The following DYRK1A variants were observed in gnomAD, a reference collection of about 807,000 sequenced individuals.
DYRK1A encodes the protein dual specificity tyrosine phosphorylation regulated kinase 1A.
DYRK1A carries 9 observed loss-of-function variants against 79.7 expected under a neutral mutation model. The observed-to-expected ratio is 0.11, with a 90% CI of 0.07 to 0.20. The LOEUF (loss-of-function observed/expected upper bound fraction) is 0.20, where lower values mean the gene tolerates loss of function less well. Among genes scored for constraint, DYRK1A ranks in the 10% least tolerant of loss-of-function variants. DYRK1A has a pLI of 1.00. For synonymous variants in DYRK1A, 349 were observed against 329.7 expected, an observed-to-expected ratio of 1.06 and a Z score of -0.63; for missense variants, 622 against 956.0, an observed-to-expected ratio of 0.65 and a Z score of 4.61.
chr21:37,512,365 G>A lies in DYRK1A; in HGVS notation c.2099G>A (p.Arg700His), dbSNP rs374771208. ...DVNLTVYSNP[R>H]QETGIAGHPT... is the part of the protein sequence containing the mutation. ...AATTTGACCGTCTACTCCAATCCCC[G>A]CCAAGAGACTGGCATAGCTGGACAT... is the stretch of plus-strand genomic sequence containing the variant. The change falls in exon 12 of 12, where the codon CGC (arginine) becomes CAC (histidine). Residue 700 changes from arginine to histidine, a missense_variant. Transcript: ENST00000647188. 54 of 1,614,052 alleles carry A rather than the reference G, an allele frequency of 3.3e-5. No individual in the cohort carries two copies. Among genetic ancestry groups the A allele is most frequent in the Non-Finnish European group, 4.3e-5 (51 of 1,180,046 alleles).
intron 2 of DYRK1A, among the ~76,000 whole-genome samples, chr21:37,445,157 A>C (rs1362654708): frequency 6.6e-6 from 1 of 152,148 alleles, no homozygotes; most frequent in Non-Finnish European, 1.5e-5. Flanking sequence ...TAACTTTTTA[A>C]TATGTTAGTT....
intron 7 of DYRK1A, among the ~76,000 whole-genome samples, chr21:37,492,338 T>A (rs990604510): frequency 6.6e-6 from 1 of 152,194 alleles, no homozygotes; most frequent in Admixed American, 6.5e-5. Flanking sequence ...CTTTTCCACT[T>A]TTAATAAGTG....
At chr21:37,478,042 C>G in intron 3 of DYRK1A, 166 bp from the exon 4 acceptor site, 1 of 856,944 alleles carries the variant, frequency 1.2e-6, no homozygotes, top group Admixed American at 2.7e-5. Flanking sequence ...TTATTGGAAT[C>G]CACATGAAAG....
chr21:37,392,450 T>A (rs2049888143), intron 1 of DYRK1A, among the ~76,000 whole-genome samples: 1 of 152,252 alleles, frequency 6.6e-6, no homozygotes, highest in Non-Finnish European at 1.5e-5. Flanking sequence ...CAAAATACCT[T>A]GGACTGAATA....
At chr21:37,500,216 T>C (rs74371633) in intron 9 of DYRK1A, among the ~76,000 whole-genome samples, 275 of 152,350 alleles carry the variant, frequency 1.8e-3, no homozygotes, top group African/African-American at 6.4e-3. Flanking sequence ...TTGAATATTG[T>C]CATGTTTTTT....
intron 1 of DYRK1A, among the ~76,000 whole-genome samples, chr21:37,387,154 C>A (rs1282874939): frequency 6.6e-6 from 1 of 152,210 alleles, no homozygotes; most frequent in Non-Finnish European, 1.5e-5. Context: ...AATTTGGAGG[C>A]CGGGTAGGCA....
Position 37,394,747 on chromosome 21 carries a change from C to G in DYRK1A, c.-76-25552C>G, listed in dbSNP as rs145313456. 6.6e-5 allele frequency among the ~76,000 whole-genome samples: 10 copies of G among 152,234 alleles called. No individual in the cohort carries two copies. The East Asian group carries it at 1.2e-3, about 18-fold the overall frequency. ...AAACCATTTCCCACCTCCTCCTGTC[C>G]GTGGAAAAATTGTCTTCCACAAAAG... On this transcript the variant is annotated intron_variant, in intron 1 of 11. Coordinates refer to ENST00000647188, the MANE Select transcript of DYRK1A (RefSeq NM_001347721.2).
rs7277020 is a variant in DYRK1A at position 37,522,598 on chromosome 21, G to T, written c.*10067G>T. ...GGCTAGGGAAAATGTAGTGAAGGAT[G>T]CCTGTATTGTCCTAATGAACCACAC... is the stretch of plus-strand genomic sequence containing the variant. On this transcript the variant is annotated 3_prime_UTR_variant, in exon 12 of 12. Coordinates refer to ENST00000647188, the MANE Select transcript of DYRK1A (RefSeq NM_001347721.2). 6.6e-6 allele frequency: 1 copy of T among 152,174 alleles called. No homozygotes were observed. The highest frequency in any genetic ancestry group is 2.1e-4 in the South Asian group (1 of 4,830). The allele number at this position is 152,174 out of a possible 1,614,324, so 9.4% of individuals were successfully genotyped here. A position where few individuals can be genotyped will look rare whatever the true frequency, so the allele number is the denominator to read the frequency against.
chr21:37,489,339 C>T (rs1363183486), intron 6 of DYRK1A, among the ~76,000 whole-genome samples: 1 of 152,096 alleles, frequency 6.6e-6, no homozygotes, highest in Non-Finnish European at 1.5e-5. Flanking sequence ...ATCGAATAAC[C>T]TCATCTGATG....
At chr21:37,410,125 A>T (rs1246109831) in intron 1 of DYRK1A, among the ~76,000 whole-genome samples, 2 of 152,220 alleles carry the variant, frequency 1.3e-5, no homozygotes, top group African/African-American at 4.8e-5. Context: ...GCTTAAATAG[A>T]CTGTGTACGG....
chr21:37,458,139 G>A (rs2051714374), intron 2 of DYRK1A, among the ~76,000 whole-genome samples: 2 of 152,140 alleles, frequency 1.3e-5, no homozygotes, highest in Admixed American at 1.3e-4. Context: ...ACAGCATTTA[G>A]ATGTGTTGTG....
intron 1 of DYRK1A, among the ~76,000 whole-genome samples, chr21:37,377,589 C>T (rs1602361632): frequency 1.3e-5 from 2 of 152,120 alleles, no homozygotes; most frequent in East Asian, 1.9e-4. Flanking sequence ...TCACCTTAGC[C>T]TCCTGAGTAG....
chr21:37,422,201 G>C (rs760407836), intron 2 of DYRK1A, among the ~76,000 whole-genome samples: 1 of 151,982 alleles, frequency 6.6e-6, no homozygotes, highest in African/African-American at 2.4e-5. Context: ...GGCTTACAGA[G>C]GAAAAAACCC....
At chr21:37,446,079 G>A (rs939516770) in intron 2 of DYRK1A, among the ~76,000 whole-genome samples, 13 of 151,498 alleles carry the variant, frequency 8.6e-5, no homozygotes, top group East Asian at 3.9e-4. Flanking sequence ...TATCTTAGGC[G>A]TTAAGAAGTG....
rs1298624157 is a variant in DYRK1A at position 37,521,203 on chromosome 21, T to G, written c.*8672T>G. On this transcript the variant is annotated 3_prime_UTR_variant, in exon 12 of 12. Transcript: ENST00000647188. ...GAGTTCTGACCATCTTCACTAGAAG[T>G]GGGGGCGGCTAGCAGTGACTAGATG... 6.6e-6 allele frequency: 1 copy of G among 152,154 alleles called. No homozygotes were observed. Among genetic ancestry groups the G allele is most frequent in the Non-Finnish European group, 1.5e-5 (1 of 68,042 alleles). The allele number at this position is 152,154 out of a possible 1,614,324, so 9.4% of individuals were successfully genotyped here.
At chr21:37,442,506 T>G (rs1478397487) in intron 2 of DYRK1A, among the ~76,000 whole-genome samples, 1 of 152,230 alleles carries the variant, frequency 6.6e-6, no homozygotes, top group East Asian at 1.9e-4. Context: ...CTGTACTATC[T>G]AACCTTTTAT....
chr21:37,468,286 T>C (rs975991023), intron 2 of DYRK1A, among the ~76,000 whole-genome samples: 7 of 151,886 alleles, frequency 4.6e-5, no homozygotes, highest in Non-Finnish European at 1.0e-4. Flanking sequence ...TTTTTTTTTT[T>C]CTTACAGAGA....
intron 2 of DYRK1A, among the ~76,000 whole-genome samples, chr21:37,434,797 C>T (rs1280376579): frequency 1.3e-5 from 2 of 152,186 alleles, no homozygotes; most frequent in Non-Finnish European, 2.9e-5. Flanking sequence ...CAGTGAGCCA[C>T]GCTTTCTGTT....
intron 1 of DYRK1A, among the ~76,000 whole-genome samples, chr21:37,396,252 A>G (rs2049957840): frequency 6.6e-6 from 1 of 151,904 alleles, no homozygotes; most frequent in Non-Finnish European, 1.5e-5. Context: ...CAGTAGTGGG[A>G]GAAGTAGAAT....
Sources: allele counts gnomAD v4.1 joint callset (sites outside exome capture counted in the v4.1 genomes callset), GRCh38; gene constraint gnomAD v4.1.1; transcripts MANE v1.5; gene names NCBI Gene and HGNC (gene_info 2026-07-23, HGNC 2026-07-21).